Variants in TMEM245 observed in about 807,000 individuals in gnomAD.
TMEM245 encodes transmembrane protein 245.
A neutral mutation model predicts 101.2 loss-of-function variants in TMEM245; 69 were observed. The observed-to-expected ratio is 0.68, with a 90% CI of 0.56 to 0.83. TMEM245 has a LOEUF of 0.83. Ranked by LOEUF, TMEM245 falls within the 40% of genes least tolerant of loss-of-function variation. The pLI is 0.00. For synonymous variants in TMEM245, 537 were observed against 449.8 expected (o/e 1.19, Z -2.45); for missense variants, 1,075 against 1,092.8 (o/e 0.98, Z 0.23).
chr9:109,040,588 A>AT (rs1327688830), intron 14 of TMEM245, among the ~76,000 whole-genome samples: 1 of 152,194 alleles, frequency 6.6e-6, no homozygotes, highest in East Asian at 1.9e-4. Flanking sequence ...ACAACCATAC[A>AT]TTATATAGCT....
At chr9:109,116,727 C>G (rs1830733461) in intron 1 of TMEM245, among the ~76,000 whole-genome samples, 2 of 151,662 alleles carry the variant, frequency 1.3e-5, no homozygotes, top group Admixed American at 6.6e-5. Flanking sequence ...GGGGTTTTAC[C>G]ATGTTGGCCA....
chr9:109,059,913 A>G (rs1828958152), intron 11 of TMEM245, among the ~76,000 whole-genome samples: 2 of 151,996 alleles, frequency 1.3e-5, no homozygotes, highest in Non-Finnish European at 2.9e-5. Flanking sequence ...ACATATGGAA[A>G]AAAAATGATA....
At chr9:109,064,876 A>G (rs1246878343) in intron 9 of TMEM245, among the ~76,000 whole-genome samples, 1 of 151,770 alleles carries the variant, frequency 6.6e-6, no homozygotes, top group East Asian at 1.9e-4. Flanking sequence ...TGCGACTTCC[A>G]CCTCCTGGGT....
At position 109,015,852 on chromosome 9, in the gene TMEM245, C is replaced by G. The variant is rs1237357765; in HGVS notation, c.*4608G>C. On this transcript the variant is annotated 3_prime_UTR_variant, in exon 18 of 18. Transcript: ENST00000374586. The stretch of plus-strand genomic sequence containing the variant: ...ATTAAAATGTAATATCAATATATCA[C>G]CACTGTATTTGCACATTAGTTGATC... The G allele has an allele frequency of 6.6e-6, 1 of 152,336 alleles. No individual in the cohort carries two copies. The highest frequency in any genetic ancestry group is 1.5e-5 in the Non-Finnish European group (1 of 68,030). 9.4% of individuals were successfully genotyped at this position (152,336 alleles called of 1,614,324 possible). A position where few individuals can be genotyped will look rare whatever the true frequency, so the allele number is the denominator to read the frequency against.
intron 3 of TMEM245, among the ~76,000 whole-genome samples, chr9:109,094,173 C>T (rs1830079335): frequency 6.6e-6 from 1 of 152,118 alleles, no homozygotes; most frequent in African/African-American, 2.4e-5. Context: ...TGTTAAATTC[C>T]TAATAGGTAG....
In TMEM245 at chr9:109,119,425, G is replaced by A. The variant is rs1416489686; in HGVS notation, c.489C>T (p.Tyr163=). 1 of 1,523,896 alleles carries A rather than the reference G, an allele frequency of 6.6e-7. No homozygotes were observed. Among genetic ancestry groups the A allele is most frequent in the Non-Finnish European group, 8.8e-7 (1 of 1,140,544 alleles). 94.4% of individuals were successfully genotyped at this position (1,523,896 alleles called of 1,614,324 possible). ...GAGGPLLYGL[Y]CLGSYLGVQV... ...GCACGCCCAAGTAGCTGCCGAGGCA[G>A]TAGAGGCCGTACAGGAGCGGGCCGC... Residue 163 remains tyrosine, a synonymous_variant, in exon 1 of 18, where the codon TAC becomes TAT. Transcript: ENST00000374586.
rs1226537192 is a variant in TMEM245 at position 109,090,968 on chromosome 9, G to A, written c.1104C>T (p.Ile368=). The change falls in exon 5 of 18, where the codon ATC becomes ATT. Residue 368 remains isoleucine, a synonymous_variant. Coordinates refer to ENST00000374586, the MANE Select transcript of TMEM245 (RefSeq NM_032012.4). The part of the protein sequence containing the change: ...SLVWAIVVMQ[I]WLNLWIVQLL... ...ACTGCACAATCCACAGGTTCAACCA[G>A]ATCTGCATGACGACAATGGCCCAAA... 2 of 1,614,058 alleles carry A rather than the reference G, an allele frequency of 1.2e-6. No individual in the cohort carries two copies. The highest frequency in any genetic ancestry group is 2.7e-5 in the African/African-American group (2 of 74,924).
intron 11 of TMEM245, among the ~76,000 whole-genome samples, chr9:109,059,875 G>A (rs1323462992): frequency 1.3e-5 from 2 of 151,252 alleles, no homozygotes; most frequent in Non-Finnish European, 2.9e-5. Context: ...ATGTGCTGCT[G>A]GTATAAAATG....
rs1368289416 is a variant in TMEM245, at chr9:109,016,630, C to T, written c.*3830G>A. The T allele has an allele frequency of 6.8e-6, 1 of 146,728 alleles. No individual in the cohort carries two copies. The highest frequency in any genetic ancestry group is 1.5e-5 in the Non-Finnish European group (1 of 67,310). The allele number at this position is 146,728 out of a possible 1,614,324, so 9.1% of individuals were successfully genotyped here. A position where few individuals can be genotyped will look rare whatever the true frequency, so the allele number is the denominator to read the frequency against. ...AATTCTCTTAAACTATCAAAAATAA[C>T]CAAACAGTGGCTGCAGACAGCATGT... is the stretch of plus-strand genomic sequence containing the variant. On this transcript the variant is annotated 3_prime_UTR_variant, in exon 18 of 18. Coordinates refer to ENST00000374586, the MANE Select transcript of TMEM245 (RefSeq NM_032012.4).
chr9:109,086,035 G>A lies in TMEM245; in HGVS notation c.1321-15C>T, dbSNP rs1829824909. 1.2e-6 allele frequency: 2 copies of A among 1,613,638 alleles called. No homozygotes were observed. The highest frequency in any genetic ancestry group is 1.7e-6 in the Non-Finnish European group (2 of 1,179,620). On this transcript the variant is annotated splice_polypyrimidine_tract_variant and intron_variant, in intron 6 of 17. Transcript: ENST00000374586. Reference sequence around the variant, plus strand: ...CAGTGCCAGAGCTTGAGGATAGGGGGTAAGGTGAGAAAGAGAAGATAAGAA... The same window carrying A: ...CAGTGCCAGAGCTTGAGGATAGGGGATAAGGTGAGAAAGAGAAGATAAGAA...
intron 12 of TMEM245, among the ~76,000 whole-genome samples, chr9:109,056,806 G>A (rs568687197): frequency 1.5e-4 from 23 of 152,286 alleles, no homozygotes; most frequent in African/African-American, 5.5e-4. Flanking sequence ...GACTGCAGAG[G>A]TGATGATGCA....
chr9:109,114,067 A>C (rs572835420), intron 1 of TMEM245, among the ~76,000 whole-genome samples: 2 of 152,094 alleles, frequency 1.3e-5, no homozygotes, highest in South Asian at 4.2e-4. Context: ...CAAGAGCGTA[A>C]ATCCATCCCC....
intron 8 of TMEM245, among the ~76,000 whole-genome samples, chr9:109,078,887 G>C (rs540485900): frequency 1.3e-5 from 2 of 152,176 alleles, no homozygotes; most frequent in African/African-American, 4.8e-5. Context: ...TTACATGTCT[G>C]CTAGATGTTT....
At chr9:109,094,379 A>T (rs1414859129) in intron 3 of TMEM245, among the ~76,000 whole-genome samples, 1 of 152,202 alleles carries the variant, frequency 6.6e-6, no homozygotes, top group African/African-American at 2.4e-5. Flanking sequence ...GAGGTCTCAC[A>T]TGTGACACAG....
At chr9:109,096,406 G>A (rs771537199) in intron 3 of TMEM245, among the ~76,000 whole-genome samples, 13 of 152,214 alleles carry the variant, frequency 8.5e-5, no homozygotes, top group Non-Finnish European at 1.6e-4. Context: ...GAACCCAGGA[G>A]GCAGAGGTTG....
At chr9:109,118,011 G>T (rs1017556641) in intron 1 of TMEM245, among the ~76,000 whole-genome samples, 4 of 152,228 alleles carry the variant, frequency 2.6e-5, no homozygotes, top group African/African-American at 4.8e-5. Flanking sequence ...GTGTGACTTT[G>T]GACCAATCAC....
chr9:109,071,785 A>G (rs1237830838), intron 9 of TMEM245, among the ~76,000 whole-genome samples: 1 of 152,214 alleles, frequency 6.6e-6, no homozygotes, highest in Admixed American at 6.5e-5. Context: ...GGCAGGTCAT[A>G]CAATGTGTCA....
At chr9:109,047,959 C>T (rs1205985064) in intron 14 of TMEM245, among the ~76,000 whole-genome samples, 1 of 152,126 alleles carries the variant, frequency 6.6e-6, no homozygotes, top group African/African-American at 2.4e-5. Flanking sequence ...AAGATATCAC[C>T]TAGATAAACA....
At chr9:109,083,890 T>C (rs1408427037) in intron 7 of TMEM245, among the ~76,000 whole-genome samples, 6 of 27,602 alleles carry the variant, frequency 2.2e-4, no homozygotes, top group Non-Finnish European at 4.0e-4. Context: ...ACCCCATCTC[T>C]ACTAAAAATA....
Sources: gnomAD v4.1 joint callset for allele counts (sites outside exome capture counted in the v4.1 genomes callset) on GRCh38, gnomAD v4.1.1 for gene constraint, MANE v1.5 for transcripts, NCBI Gene and HGNC (gene_info 2026-07-23, HGNC 2026-07-21) for gene names.